Variants in RBM28 observed in about 807,000 individuals in gnomAD.
RBM28 encodes the protein RNA binding motif protein 28, also known as RNA-binding protein 28.
Under a neutral mutation model 98.3 loss-of-function variants are expected in RBM28, and 78 were observed. The observed-to-expected ratio is 0.79, with a 90% CI of 0.66 to 0.96. The LOEUF is 0.96. RBM28 is among the 40% of genes least tolerant of loss of function. The probability of loss-of-function intolerance (pLI) is 0.00; values close to 1 mark genes in which losing one functional copy is unlikely to be tolerated. For missense variants in RBM28, 838 were observed against 913.0 expected (o/e 0.92, Z 1.06); for synonymous variants, 306 against 330.9 (o/e 0.92, Z 0.82).
At position 128,310,239 on chromosome 7, in the gene RBM28, CT is replaced by C; in HGVS notation, c.*557del. 2 of 164,608 alleles carry C rather than the reference CT, an allele frequency of 1.2e-5. No homozygotes were observed. The highest frequency in any genetic ancestry group is 2.7e-5 in the Non-Finnish European group (2 of 75,404). The allele number at this position is 164,608 out of a possible 1,614,324, so 10.2% of individuals were successfully genotyped here. On this transcript the variant is annotated 3_prime_UTR_variant, in exon 19 of 19. Transcript: ENST00000223073. ...CTGTCAGGCCCCACCTCCCCCCATT[CT>C]TTTCCAAGTGTCTCCGCCTGCAGCG... is the stretch of plus-strand genomic sequence containing the variant.
intron 10 of RBM28, 141 bp downstream of exon 10, chr7:128,330,678 G>T (rs1796461324): frequency 2.8e-6 from 2 of 725,752 alleles, no homozygotes; most frequent in Non-Finnish European, 4.9e-6. Context: ...GGCGTCCCTG[G>T]TACTTTTATA....
At chr7:128,316,188 G>A (rs1347921892) in intron 16 of RBM28, among the ~76,000 whole-genome samples, 2 of 152,172 alleles carry the variant, frequency 1.3e-5, no homozygotes, top group Non-Finnish European at 2.9e-5. Flanking sequence ...ACAGCCAGGT[G>A]GAGATAAGAG....
chr7:128,310,726 G>A lies in RBM28; in HGVS notation c.*71C>T. 6.3e-7 allele frequency: 1 copy of A among 1,586,508 alleles called. No homozygotes were observed. The highest frequency in any genetic ancestry group is 1.1e-5 in the South Asian group (1 of 90,534). On this transcript the variant is annotated 3_prime_UTR_variant, in exon 19 of 19. Transcript: ENST00000223073. ...TCTTTCCCTCAGTGAGAGACACGGG[G>A]GATGGGGAGGAGCCCAGGAGTGTCA... is the stretch of plus-strand genomic sequence containing the variant.
At chr7:128,328,555 C>A (rs1796403787) in intron 10 of RBM28, among the ~76,000 whole-genome samples, 1 of 152,156 alleles carries the variant, frequency 6.6e-6, no homozygotes, top group Non-Finnish European at 1.5e-5. Context: ...TTATTAAGAT[C>A]ATGAACTCTG....
Position 128,338,774 on chromosome 7 carries a change from A to G in RBM28, c.400T>C (p.Phe134Leu). The G allele has an allele frequency of 6.2e-7, 1 of 1,611,942 alleles. No individual in the cohort carries two copies. The highest frequency in any genetic ancestry group is 8.5e-7 in the Non-Finnish European group (1 of 1,178,038). ...KCSEDDLKTV[F>L]AQFGAVLEVN... is the part of the protein sequence containing the mutation. ...TCCAGGACAGCTCCAAATTGAGCAA[A>G]TACTGTCTTCAAGTCATCTTCTGAA... Residue 134 changes from phenylalanine (F) to leucine (L), a missense_variant, in exon 4 of 19, where the codon TTT (phenylalanine) becomes CTT (leucine). Transcript: ENST00000223073.
intron 8 of RBM28, among the ~76,000 whole-genome samples, chr7:128,334,086 A>T (rs968611681): frequency 1.3e-5 from 2 of 152,238 alleles, no homozygotes; most frequent in Admixed American, 6.5e-5. Context: ...ATATCTATAG[A>T]TACACAAGAA....
chr7:128,338,335 C>A lies in RBM28; in HGVS notation c.456G>T (p.Lys152Asn). The A allele has an allele frequency of 6.2e-7, 1 of 1,613,828 alleles. No homozygotes were observed. Among genetic ancestry groups the A allele is most frequent in the Non-Finnish European group, 8.5e-7 (1 of 1,179,716 alleles). ...ACTGAACAAAACCAAAACCGCGCAT[C>A]TTCCCATCTGTGTGCAAATGCACAA... ...EVNIPRKPDG[K>N]MRGFGFVQFK... The change falls in exon 5 of 19, where the codon AAG becomes AAT. Residue 152 changes from lysine (K) to asparagine (N), a missense_variant. Transcript: ENST00000223073.
chr7:128,306,062 T>C lies in RBM28; in HGVS notation c.*4735A>G, dbSNP rs1250897201. The C allele has an allele frequency of 6.6e-6, 1 of 152,158 alleles. No homozygotes were observed. The highest frequency in any genetic ancestry group is 6.5e-5 in the Admixed American group (1 of 15,276). 9.4% of individuals were successfully genotyped at this position (152,158 alleles called of 1,614,324 possible). ...AGCTAGTTCTTATAGTGGCTCATGA[T>C]CTACTTGGGAAGGCAAGACCTAAAG... is the stretch of plus-strand genomic sequence containing the variant. On this transcript the variant is annotated 3_prime_UTR_variant, in exon 19 of 19. Transcript: ENST00000223073.
Position 128,343,798 on chromosome 7 carries a change from C to T in RBM28, c.-5G>A, listed in dbSNP as rs779664404. On this transcript the variant is annotated 5_prime_UTR_variant, in exon 1 of 19. Coordinates refer to ENST00000223073, the MANE Select transcript of RBM28 (RefSeq NM_018077.3). ...AAATAAGGTCAGGCCGGCCATGAGACCGGGAAACCCAAAGCGCGTGAGGAC... is the reference window on the plus strand; with the variant it reads ...AAATAAGGTCAGGCCGGCCATGAGATCGGGAAACCCAAAGCGCGTGAGGAC... The T allele has an allele frequency of 6.3e-7, 1 of 1,585,904 alleles. No homozygotes were observed. Among genetic ancestry groups the T allele is most frequent in the Admixed American group, 1.8e-5 (1 of 55,770 alleles).
Position 128,320,084 on chromosome 7 carries a change from G to A in RBM28, c.1563+1182C>T, listed in dbSNP as rs192293714. On this transcript the variant is annotated intron_variant, in intron 14 of 18. Transcript: ENST00000223073. ...ATACAAAAATCAGCTGGGCGTGGTG[G>A]TGCATGCCTGTAGTCCCAGCTACTC... Among the ~76,000 whole-genome samples, 47 of 152,160 alleles carry A rather than the reference G, an allele frequency of 3.1e-4. No individual in the cohort carries two copies. The East Asian group carries it at 8.3e-3, about 27-fold the overall frequency.
chr7:128,336,902 C>G (rs1020312435), intron 6 of RBM28, among the ~76,000 whole-genome samples: 2 of 152,148 alleles, frequency 1.3e-5, no homozygotes, highest in East Asian at 1.9e-4. Context: ...GCGCCCACCA[C>G]CAAGCCCAGC....
chr7:128,314,737 C>A, intron 17 of RBM28, 27 bp downstream of exon 17: 1 of 1,614,168 alleles, frequency 6.2e-7, no homozygotes, highest in Non-Finnish European at 8.5e-7. Context: ...ACCCACTGTT[C>A]TGTGCTTCTG....
chr7:128,316,646 G>C (rs1342378061), intron 16 of RBM28, among the ~76,000 whole-genome samples: 1 of 152,196 alleles, frequency 6.6e-6, no homozygotes, highest in Non-Finnish European at 1.5e-5. Context: ...CCAGAAGGTG[G>C]AGGTTGCAGT....
rs889997887 is a variant in RBM28, at chr7:128,311,377, T to A, written c.2146-446A>T. Among the ~76,000 whole-genome samples the A allele has an allele frequency of 1.2e-4, 19 of 152,300 alleles. 1 individual carries two copies. Among genetic ancestry groups the A allele is most frequent in the Admixed American group, 1.2e-3 (18 of 15,304 alleles). ...TTTCTTGAGTAGGATGGGAAGCTAA[T>A]GCTGCTTTTACCCTTAAAGGAAAGA... On this transcript the variant is annotated intron_variant, in intron 18 of 18. Coordinates refer to ENST00000223073, the MANE Select transcript of RBM28 (RefSeq NM_018077.3).
At position 128,343,869 on chromosome 7, in the gene RBM28, G is replaced by C. The variant is rs7799644; in HGVS notation, c.-76C>G. ...CACGCGAGCCGAAACGCTGGCTTTG[G>C]TAGGACAACCAAGCTCACACGCCGA... On this transcript the variant is annotated 5_prime_UTR_variant, in exon 1 of 19. Coordinates refer to ENST00000223073, the MANE Select transcript of RBM28 (RefSeq NM_018077.3). 6.7e-3 allele frequency: 6,987 copies of C among 1,049,764 alleles called. 301 individuals carry two copies. The African/African-American group carries it at 0.098, about 15-fold the overall frequency. The allele number at this position is 1,049,764 out of a possible 1,614,324, so 65.0% of individuals were successfully genotyped here.
chr7:128,319,885 C>A (rs1293865069), intron 14 of RBM28, among the ~76,000 whole-genome samples: 2 of 152,232 alleles, frequency 1.3e-5, no homozygotes, highest in East Asian at 1.9e-4. Flanking sequence ...CCAGCCTGGG[C>A]AACATGACAA....
intron 1 of RBM28, 50 bp downstream of exon 1, chr7:128,343,626 C>G (rs757218160): frequency 1.5e-6 from 2 of 1,374,328 alleles, no homozygotes; most frequent in East Asian, 5.0e-5. Context: ...TGGGAAGGTG[C>G]CCTCGATCGC....
intron 10 of RBM28, among the ~76,000 whole-genome samples, chr7:128,327,889 T>C (rs915766963): frequency 1.3e-5 from 2 of 152,248 alleles, no homozygotes; most frequent in Non-Finnish European, 2.9e-5. Flanking sequence ...TTTTGTTTAG[T>C]ATTCCTTTAA....
intron 13 of RBM28, among the ~76,000 whole-genome samples, chr7:128,322,300 T>C (rs1796254187): frequency 1.3e-5 from 2 of 152,194 alleles, no homozygotes; most frequent in African/African-American, 4.8e-5. Flanking sequence ...CCCTCAACTA[T>C]GCTGCCACAA....
Sources: gnomAD v4.1 joint callset for allele counts (sites outside exome capture counted in the v4.1 genomes callset) on GRCh38, gnomAD v4.1.1 for gene constraint, MANE v1.5 for transcripts, NCBI Gene and HGNC (gene_info 2026-07-23, HGNC 2026-07-21) for gene names.